The following ERC2 variants were observed in gnomAD, a reference collection of about 807,000 sequenced individuals.
ERC2 encodes the protein ELKS/RAB6-interacting/CAST family member 2.
Under a neutral mutation model 114.8 loss-of-function variants are expected in ERC2, and 42 were observed. The observed-to-expected ratio is 0.37, with a 90% CI of 0.29 to 0.47. The LOEUF (loss-of-function observed/expected upper bound fraction) is 0.47. ERC2 is among the 20% of genes least tolerant of loss of function. ERC2 has a pLI of 0.99. For missense variants in ERC2, 939 were observed against 1,150.7 expected, an observed-to-expected ratio of 0.82 and a Z score of 2.66; for synonymous variants, 454 against 425.5, an observed-to-expected ratio of 1.07 and a Z score of -0.82.
intron 14 of ERC2, among the ~76,000 whole-genome samples, chr3:55,856,945 A>G (rs1188004607): frequency 6.6e-6 from 1 of 152,196 alleles, no homozygotes; most frequent in African/African-American, 2.4e-5. Flanking sequence ...TTCCATTTAT[A>G]TGGAATGTCC....
intron 17 of ERC2, among the ~76,000 whole-genome samples, chr3:55,597,845 A>G (rs1005354840): frequency 6.6e-6 from 1 of 152,250 alleles, no homozygotes; most frequent in Non-Finnish European, 1.5e-5. Context: ...AGATCACATT[A>G]CATCAGGATT....
At chr3:55,910,457 A>G (rs1333574033) in intron 13 of ERC2, among the ~76,000 whole-genome samples, 3 of 152,100 alleles carry the variant, frequency 2.0e-5, no homozygotes, top group Non-Finnish European at 4.4e-5. Context: ...ACAAAACATT[A>G]ATGTGTGTAT....
rs377663387 is a variant in ERC2 at position 55,992,237 on chromosome 3, T to C, written c.2075A>G (p.Glu692Gly). 1 of 1,613,262 alleles carries C rather than the reference T, an allele frequency of 6.2e-7. No individual in the cohort carries two copies. Among genetic ancestry groups the C allele is most frequent in the African/African-American group, 1.3e-5 (1 of 74,872 alleles). ...EAQLKKAHNI[E>G]DDSRMNPEFA... The stretch of plus-strand genomic sequence containing the variant: ...CTCAGGGTTCATCCTGGAGTCATCT[T>C]CAATATTATGTGCCTTCAACATTAC... The change falls in exon 11 of 18, where the codon GAA (glutamate) becomes GGA (glycine). Residue 692 changes from glutamate to glycine, a missense_variant. Around this residue, in one of 5 missense-constraint regions of ERC2, gnomAD observed 328 missense variants for 353.9 expected, o/e 0.93. Coordinates refer to ENST00000288221, the MANE Select transcript of ERC2 (RefSeq NM_015576.3).
At chr3:55,869,923 A>T (rs1236224269) in intron 14 of ERC2, among the ~76,000 whole-genome samples, 1 of 152,230 alleles carries the variant, frequency 6.6e-6, no homozygotes, top group African/African-American at 2.4e-5. Flanking sequence ...ATTCTGCAGC[A>T]TAGAGTGTAT....
chr3:55,570,588 C>T (rs1341765103), intron 17 of ERC2, among the ~76,000 whole-genome samples: 6 of 152,064 alleles, frequency 3.9e-5, no homozygotes, highest in Admixed American at 2.6e-4. Flanking sequence ...AGGGTTCTGA[C>T]GATATTCTCT....
intron 15 of ERC2, among the ~76,000 whole-genome samples, chr3:55,720,573 C>T (rs938403434): frequency 3.3e-5 from 5 of 152,044 alleles, no homozygotes; most frequent in African/African-American, 9.7e-5. Context: ...GTGTGAGCCA[C>T]CGCACCCAGC....
In ERC2 at chr3:56,296,428, T is replaced by G; in HGVS notation, c.665A>C (p.Gln222Pro). Residue 222 changes from glutamine to proline, a missense_variant, in exon 3 of 18, where the codon CAG becomes CCG. This residue lies in a region of ERC2 where 281 missense variants were observed against 307.4 expected (regional missense o/e 0.91). Coordinates refer to ENST00000288221, the MANE Select transcript of ERC2 (RefSeq NM_015576.3). ...ATCTTGAAGGGCCTGGATTGTCAAC[T>G]GTAGGTGCTGCAATGAGAAAGATGG... The part of the protein sequence containing the change: ...RVSHEENQHL[Q>P]LTIQALQDEL... 6.2e-7 allele frequency: 1 copy of G among 1,609,052 alleles called. No homozygotes were observed. The highest frequency in any genetic ancestry group is 8.5e-7 in the Non-Finnish European group (1 of 1,176,280).
At chr3:55,670,773 C>A (rs1380563505) in intron 17 of ERC2, among the ~76,000 whole-genome samples, 2 of 152,146 alleles carry the variant, frequency 1.3e-5, no homozygotes, top group Admixed American at 1.3e-4. Context: ...ATTCAGCTAG[C>A]CACTGGTTTT....
At chr3:55,851,725 A>T (rs1362307481) in intron 14 of ERC2, among the ~76,000 whole-genome samples, 1 of 151,816 alleles carries the variant, frequency 6.6e-6, no homozygotes, top group East Asian at 1.9e-4. Context: ...ATCTACTCTC[A>T]TTAGAGTTGA....
At chr3:55,718,674 G>A (rs989806030) in intron 15 of ERC2, among the ~76,000 whole-genome samples, 2 of 152,136 alleles carry the variant, frequency 1.3e-5, no homozygotes, top group African/African-American at 4.8e-5. Flanking sequence ...TGCTCTGCCT[G>A]CCCCTCACAG....
At chr3:55,953,625 G>A (rs1207152005) in intron 12 of ERC2, among the ~76,000 whole-genome samples, 1 of 152,136 alleles carries the variant, frequency 6.6e-6, no homozygotes, top group East Asian at 1.9e-4. Flanking sequence ...CTCACTACCA[G>A]ATAACCCCTC....
Position 55,904,601 on chromosome 3 carries a change from A to C in ERC2, c.2404-16052T>G, listed in dbSNP as rs138077352. ...TACAACTCTAGCAGACCCAACCAAAAAAAGCAGGAATTCCTAATGCTGCAG... is the reference window on the plus strand; with the variant it reads ...TACAACTCTAGCAGACCCAACCAAACAAAGCAGGAATTCCTAATGCTGCAG... On this transcript the variant is annotated intron_variant, in intron 13 of 17. Coordinates refer to ENST00000288221, the MANE Select transcript of ERC2 (RefSeq NM_015576.3). Among the ~76,000 whole-genome samples the C allele has an allele frequency of 5.3e-5, 8 of 152,330 alleles. No homozygotes were observed. The East Asian group carries it at 1.5e-3, about 29-fold the overall frequency.
At chr3:55,703,615 T>G (rs1301230038) in intron 15 of ERC2, among the ~76,000 whole-genome samples, 1 of 152,228 alleles carries the variant, frequency 6.6e-6, no homozygotes, top group Non-Finnish European at 1.5e-5. Flanking sequence ...GGATTGCCCT[T>G]GCACTCTCCA....
At chr3:56,322,924 G>A (rs529158269) in intron 2 of ERC2, among the ~76,000 whole-genome samples, 2 of 152,222 alleles carry the variant, frequency 1.3e-5, no homozygotes, top group East Asian at 3.9e-4. Flanking sequence ...GGGTTGGTGG[G>A]GGCAGATCCC....
In ERC2 at chr3:55,551,860, A is replaced by G. The variant is rs571602273; in HGVS notation, c.*40-40584T>C. On this transcript the variant is annotated intron_variant, in intron 17 of 17. Transcript: ENST00000288221. ...CACTGTAGCCCAGTCAAGTTGACACATAAAATTAAACATCACAACTTCTGT... is the reference window on the plus strand; with the variant it reads ...CACTGTAGCCCAGTCAAGTTGACACGTAAAATTAAACATCACAACTTCTGT... Among the ~76,000 whole-genome samples, 9 of 152,384 alleles carry G rather than the reference A, an allele frequency of 5.9e-5. No individual in the cohort carries two copies. In the South Asian group the frequency reaches 1.9e-3, roughly 32 times the overall value.
chr3:55,708,368 C>T (rs927209036), intron 15 of ERC2, among the ~76,000 whole-genome samples: 13 of 152,184 alleles, frequency 8.5e-5, no homozygotes, highest in Non-Finnish European at 2.9e-5. Flanking sequence ...AAGGGAAAGG[C>T]CCTAGATGTT....
chr3:55,751,863 T>A (rs887644090), intron 14 of ERC2, among the ~76,000 whole-genome samples: 3 of 152,178 alleles, frequency 2.0e-5, no homozygotes, highest in African/African-American at 4.8e-5. Flanking sequence ...CATGCTTTGG[T>A]TGGGTTTATT....
intron 4 of ERC2, among the ~76,000 whole-genome samples, chr3:56,163,505 T>G (rs1258443238): frequency 6.6e-6 from 1 of 152,142 alleles, no homozygotes; most frequent in African/African-American, 2.4e-5. Context: ...GCTGTCGAAG[T>G]CTTTTCGTAA....
intron 11 of ERC2, among the ~76,000 whole-genome samples, chr3:55,991,321 G>A (rs2071041793): frequency 6.6e-6 from 1 of 152,158 alleles, no homozygotes; most frequent in Non-Finnish European, 1.5e-5. Context: ...AATCTGCAGA[G>A]GTTATGGAGT....
Sources: allele counts gnomAD v4.1 joint callset (sites outside exome capture counted in the v4.1 genomes callset), GRCh38; gene constraint gnomAD v4.1.1; regional missense constraint gnomAD v4.1.1; transcripts MANE v1.5; gene names NCBI Gene and HGNC (gene_info 2026-07-23, HGNC 2026-07-21).